GRXCR1: variants seen among roughly 807,000 people sequenced by gnomAD.
GRXCR1 encodes the protein glutaredoxin and cysteine rich domain containing 1.
GRXCR1 carries 27 observed loss-of-function variants against 27.3 expected under a neutral mutation model. That is an observed-to-expected ratio of 0.99 (90% CI 0.73 to 1.37). GRXCR1 has a LOEUF of 1.37. Among genes scored for constraint, GRXCR1 ranks in the 40% most tolerant of loss-of-function variants. GRXCR1 has a pLI of 0.00. For missense variants in GRXCR1, 379 were observed against 354.4 expected (o/e 1.07, Z -0.56); for synonymous variants, 122 against 131.1 (o/e 0.93, Z 0.47).
chr4:42,900,413 AC>A lies in GRXCR1; in HGVS notation c.384+6764del, dbSNP rs1371530476. Among the ~76,000 whole-genome samples the A allele has an allele frequency of 4.6e-5, 7 of 152,208 alleles. No homozygotes were observed. In the East Asian group the frequency reaches 1.4e-3, roughly 29 times the overall value. On this transcript the variant is annotated intron_variant, in intron 1 of 3. Transcript: ENST00000399770. ...CATTGCATCAGGAGTGAAGTAATAG[AC>A]TCTTTTACATAGCAAATAAAGTAAA...
chr4:42,932,619 TAGAGAGAGAGAG>T (rs762758381), intron 1 of GRXCR1, among the ~76,000 whole-genome samples: 300 of 22,812 alleles, frequency 0.013, 7 homozygotes, highest in East Asian at 0.038. Context: ...TATATATATA[TAGAGAGAGAGAG>T]AGAGAGAGAG....
Position 42,961,544 on chromosome 4 carries a change from A to T in GRXCR1, c.385-1348A>T, listed in dbSNP as rs182853679. Among the ~76,000 whole-genome samples the T allele has an allele frequency of 3.6e-4, 55 of 152,112 alleles. 1 individual carries two copies. In the East Asian group the frequency reaches 0.01, roughly 28 times the overall value. ...ATCTGTGTAACATTTCTCTATTTAG[A>T]TGCTATTCTTAGCATTTCCCTAGTA... On this transcript the variant is annotated intron_variant, in intron 1 of 3. Transcript: ENST00000399770.
At position 42,893,475 on chromosome 4, in the gene GRXCR1, G is replaced by A. The variant is rs1746279701; in HGVS notation, c.209G>A (p.Gly70Asp). 1 of 1,613,898 alleles carries A rather than the reference G, an allele frequency of 6.2e-7. No homozygotes were observed. The highest frequency in any genetic ancestry group is 2.2e-5 in the East Asian group (1 of 44,840). The change falls in exon 1 of 4, where the codon GGT (glycine) becomes GAT (aspartate). Residue 70 changes from glycine to aspartate, a missense_variant. Physicochemically the swap from Gly to Asp is moderately conservative, Grantham distance 94. Transcript: ENST00000399770. ...GQQNGHIESE[G>D]DENENDQDSL... Reference sequence around the variant, plus strand: ...CAGAATGGCCACATAGAGTCAGAAGGTGATGAGAATGAGAATGACCAGGAT... The same window carrying A: ...CAGAATGGCCACATAGAGTCAGAAGATGATGAGAATGAGAATGACCAGGAT...
chr4:42,968,782 T>C (rs945037934), intron 2 of GRXCR1, among the ~76,000 whole-genome samples: 1 of 152,114 alleles, frequency 6.6e-6, no homozygotes, highest in Non-Finnish European at 1.5e-5. Context: ...AGTTTTTTTT[T>C]ATTTTTTCAG....
chr4:42,918,596 G>T (rs1290895637), intron 1 of GRXCR1, among the ~76,000 whole-genome samples: 3 of 152,058 alleles, frequency 2.0e-5, no homozygotes, highest in African/African-American at 4.8e-5. Flanking sequence ...ACAACACCAA[G>T]AATATTTATT....
intron 1 of GRXCR1, among the ~76,000 whole-genome samples, chr4:42,916,694 G>T (rs371322965): frequency 6.6e-6 from 1 of 151,830 alleles, no homozygotes; most frequent in African/African-American, 2.4e-5. Flanking sequence ...TTTTACTATG[G>T]TATTATCCAA....
At chr4:42,900,766 G>A (rs534714127) in intron 1 of GRXCR1, among the ~76,000 whole-genome samples, 4 of 152,260 alleles carry the variant, frequency 2.6e-5, no homozygotes, top group African/African-American at 4.8e-5. Context: ...GGGGACAAGA[G>A]CTGGGTGGTC....
At chr4:42,957,507 CT>C (rs1748033048) in intron 1 of GRXCR1, among the ~76,000 whole-genome samples, 1 of 151,952 alleles carries the variant, frequency 6.6e-6, no homozygotes, top group Non-Finnish European at 1.5e-5. Context: ...TTTGAGTGAA[CT>C]TTCTACCCCA....
At chr4:42,919,091 A>T (rs1386261926) in intron 1 of GRXCR1, among the ~76,000 whole-genome samples, 1 of 152,214 alleles carries the variant, frequency 6.6e-6, no homozygotes, top group South Asian at 2.1e-4. Flanking sequence ...AGTTGCTAAT[A>T]TTTAAAATCA....
At chr4:42,959,516 A>C (rs533804584) in intron 1 of GRXCR1, among the ~76,000 whole-genome samples, 3 of 152,058 alleles carry the variant, frequency 2.0e-5, no homozygotes, top group African/African-American at 4.8e-5. Context: ...TTACATATTC[A>C]AAATTTGCTA....
intron 1 of GRXCR1, among the ~76,000 whole-genome samples, chr4:42,911,340 A>C (rs2109744981): frequency 6.6e-6 from 1 of 152,310 alleles, no homozygotes; most frequent in Admixed American, 6.5e-5. Context: ...AAGCAATAGC[A>C]ACAAAAGTGT....
intron 2 of GRXCR1, among the ~76,000 whole-genome samples, chr4:42,989,817 C>A (rs373234451): frequency 6.6e-6 from 1 of 152,116 alleles, no homozygotes; most frequent in South Asian, 2.1e-4. Context: ...ATACCTAAGT[C>A]TCTTATGGTA....
intron 2 of GRXCR1, among the ~76,000 whole-genome samples, chr4:42,989,703 T>A (rs1164872987): frequency 2.0e-5 from 3 of 152,202 alleles, no homozygotes; most frequent in African/African-American, 7.2e-5. Context: ...ACTACTTAGC[T>A]TGATTTCTTC....
chr4:42,997,582 A>G (rs1366562328), intron 2 of GRXCR1, among the ~76,000 whole-genome samples: 1 of 152,112 alleles, frequency 6.6e-6, no homozygotes, highest in Non-Finnish European at 1.5e-5. Context: ...CTTGATTGCA[A>G]ATGAGTCTTG....
At chr4:42,934,853 C>T (rs545135266) in intron 1 of GRXCR1, among the ~76,000 whole-genome samples, 5 of 151,900 alleles carry the variant, frequency 3.3e-5, no homozygotes, top group African/African-American at 1.2e-4. Flanking sequence ...GAAAGCTTAG[C>T]AGCCAGGACA....
intron 1 of GRXCR1, among the ~76,000 whole-genome samples, chr4:42,936,263 T>A (rs1300797494): frequency 6.6e-6 from 1 of 151,882 alleles, no homozygotes. Context: ...TGAGACCACA[T>A]ACCAAGTTGA....
At chr4:42,931,422 TC>T (rs1031564795) in intron 1 of GRXCR1, among the ~76,000 whole-genome samples, 7 of 151,932 alleles carry the variant, frequency 4.6e-5, no homozygotes, top group Admixed American at 6.6e-5. Flanking sequence ...TTCTCTGATT[TC>T]TTTAAGTTTT....
At chr4:42,926,039 T>A (rs1461943113) in intron 1 of GRXCR1, among the ~76,000 whole-genome samples, 1 of 152,018 alleles carries the variant, frequency 6.6e-6, no homozygotes, top group Non-Finnish European at 1.5e-5. Context: ...GTTTCCAAAG[T>A]GTTCTAACCT....
chr4:42,947,829 T>C (rs1257556569), intron 1 of GRXCR1, among the ~76,000 whole-genome samples: 3 of 152,236 alleles, frequency 2.0e-5, no homozygotes, highest in Non-Finnish European at 4.4e-5. Context: ...CAATAATAAA[T>C]GTTAACCTTC....
Sources: gnomAD v4.1 joint callset for allele counts (sites outside exome capture counted in the v4.1 genomes callset) on GRCh38, gnomAD v4.1.1 for gene constraint, MANE v1.5 for transcripts, NCBI Gene and HGNC (gene_info 2026-07-23, HGNC 2026-07-21) for gene names.